Variants in LINGO2 observed in about 807,000 individuals in gnomAD.
LINGO2 encodes leucine rich repeat and Ig domain containing 2.
A neutral mutation model predicts 30.6 loss-of-function variants in LINGO2; 14 were observed. The ratio of observed to expected loss-of-function variants is 0.46; its 90% CI spans 0.30 to 0.72. The LOEUF is 0.72. LINGO2 is among the 30% of genes least tolerant of loss of function. LINGO2 has a pLI of 0.07. For synonymous variants in LINGO2, 317 were observed against 288.5 expected (o/e 1.10, Z -1.00); for missense variants, 729 against 751.7 (o/e 0.97, Z 0.35).
the LINGO2 span, among the ~76,000 whole-genome samples, chr9:28,944,937 C>T: frequency 1.3e-5 from 2 of 152,166 alleles, no homozygotes; most frequent in South Asian, 2.1e-4. Context: ...TAGGCCTACT[C>T]TACTGATGCT....
intron 4 of LINGO2, among the ~76,000 whole-genome samples, chr9:28,128,148 CT>C (rs1827291356): frequency 6.6e-6 from 1 of 152,164 alleles, no homozygotes; most frequent in Non-Finnish European, 1.5e-5. Flanking sequence ...TAGAGATCAT[CT>C]GTCTAGCTCA....
chr9:29,013,593 T>C, the LINGO2 span, among the ~76,000 whole-genome samples: 2 of 152,152 alleles, frequency 1.3e-5, no homozygotes, highest in African/African-American at 4.8e-5. Context: ...ATGAGGATTC[T>C]GCTTGTATTT....
intron 1 of LINGO2, among the ~76,000 whole-genome samples, chr9:28,663,524 C>A (rs2136017650): frequency 6.6e-6 from 1 of 152,176 alleles, no homozygotes; most frequent in South Asian, 2.1e-4. Flanking sequence ...TGGCATGCAA[C>A]AAAGGCAAAC....
chr9:29,007,533 C>T, the LINGO2 span, among the ~76,000 whole-genome samples: 1 of 152,074 alleles, frequency 6.6e-6, no homozygotes, highest in East Asian at 1.9e-4. Context: ...TGCCTCATTT[C>T]CAGGTTATCT....
intron 2 of LINGO2, among the ~76,000 whole-genome samples, chr9:28,464,657 C>G (rs1825224922): frequency 6.6e-6 from 1 of 152,144 alleles, no homozygotes; most frequent in Non-Finnish European, 1.5e-5. Context: ...ATTTATTTTA[C>G]TGTATTGTTA....
the LINGO2 span, among the ~76,000 whole-genome samples, chr9:29,144,221 T>C: frequency 2.6e-5 from 4 of 152,176 alleles, no homozygotes; most frequent in African/African-American, 9.7e-5. Context: ...GACTTTGTTC[T>C]TTTTGCTTAG....
At chr9:28,191,307 T>C (rs80184167) in intron 4 of LINGO2, among the ~76,000 whole-genome samples, 2,594 of 152,298 alleles carry the variant, frequency 0.017, 76 homozygotes, top group African/African-American at 0.058. Flanking sequence ...ATAAAACTGT[T>C]TCATCATATA....
chr9:28,750,889 C>T, the LINGO2 span, among the ~76,000 whole-genome samples: 10 of 151,942 alleles, frequency 6.6e-5, no homozygotes, highest in Admixed American at 1.3e-4. Context: ...AGGCTATGGC[C>T]ATTCTTTTGA....
the LINGO2 span, among the ~76,000 whole-genome samples, chr9:28,855,468 C>A: frequency 6.6e-6 from 1 of 151,942 alleles, no homozygotes; most frequent in African/African-American, 2.4e-5. Flanking sequence ...AATGCAGACA[C>A]CCCACATTTA....
At chr9:28,924,009 A>G in the LINGO2 span, among the ~76,000 whole-genome samples, 1 of 152,224 alleles carries the variant, frequency 6.6e-6, no homozygotes, top group African/African-American at 2.4e-5. Context: ...TAAGAAGCAC[A>G]TAACAGCTAG....
At chr9:28,240,068 C>T (rs903017102) in intron 4 of LINGO2, among the ~76,000 whole-genome samples, 1 of 151,642 alleles carries the variant, frequency 6.6e-6, no homozygotes, top group African/African-American at 2.4e-5. Context: ...TAGGAATTAA[C>T]CAAAGAAGTA....
the LINGO2 span, among the ~76,000 whole-genome samples, chr9:29,027,836 T>C: frequency 6.6e-5 from 10 of 152,236 alleles, no homozygotes; most frequent in African/African-American, 2.4e-4. Flanking sequence ...TTTCCATCCA[T>C]AAGGTGGAAA....
the LINGO2 span, among the ~76,000 whole-genome samples, chr9:28,777,227 A>C: frequency 6.6e-6 from 1 of 152,202 alleles, no homozygotes; most frequent in African/African-American, 2.4e-5. Flanking sequence ...AAAAGGGATT[A>C]ATACACTCAG....
downstream of LINGO2, among the ~76,000 whole-genome samples, chr9:27,944,809 C>A (rs1587496171): frequency 2.0e-5 from 3 of 151,968 alleles, no homozygotes; most frequent in East Asian, 5.8e-4. Flanking sequence ...GATTCAGATG[C>A]CACAGAATCC....
In LINGO2 at chr9:28,150,849, G is replaced by A. The variant is rs191045457; in HGVS notation, c.-86-138444C>T. ...TCCGTGGCGGTCGCCATAGTTAGTC[G>A]CTTCCTAAGTGGTAAAAATCTTAAA... On this transcript the variant is annotated intron_variant, in intron 4 of 5. Transcript: ENST00000379992. 1.4e-3 allele frequency among the ~76,000 whole-genome samples: 209 copies of A among 152,288 alleles called. 1 individual carries two copies. The highest frequency in any genetic ancestry group is 2.4e-3 in the Non-Finnish European group (163 of 68,028).
intron 4 of LINGO2, among the ~76,000 whole-genome samples, chr9:28,194,168 C>T (rs1347372248): frequency 2.0e-5 from 3 of 151,914 alleles, no homozygotes; most frequent in Non-Finnish European, 4.4e-5. Flanking sequence ...ACTGTCGTGG[C>T]CATCTTTGGA....
chr9:28,001,139 AT>A (rs925531889), intron 5 of LINGO2, among the ~76,000 whole-genome samples: 20 of 151,946 alleles, frequency 1.3e-4, no homozygotes, highest in African/African-American at 3.1e-4. Context: ...TTCCAAACAA[AT>A]TTTTTTTTAA....
At chr9:29,075,195 A>T in the LINGO2 span, among the ~76,000 whole-genome samples, 1 of 152,174 alleles carries the variant, frequency 6.6e-6, no homozygotes, top group African/African-American at 2.4e-5. Context: ...TTCAAATTTA[A>T]CAACATTAAT....
chr9:28,428,337 A>G (rs1823497484), intron 2 of LINGO2, among the ~76,000 whole-genome samples: 1 of 152,172 alleles, frequency 6.6e-6, no homozygotes, highest in African/African-American at 2.4e-5. Context: ...GTGAATAATA[A>G]GCAAAGGAGG....
Sources: allele counts gnomAD v4.1 joint callset (sites outside exome capture counted in the v4.1 genomes callset), GRCh38; gene constraint gnomAD v4.1.1; transcripts MANE v1.5; gene names NCBI Gene and HGNC (gene_info 2026-07-23, HGNC 2026-07-21).